The following SLX4IP variants were observed in gnomAD, a reference collection of about 807,000 sequenced individuals.
SLX4IP encodes protein SLX4IP.
A neutral mutation model predicts 32.9 loss-of-function variants in SLX4IP; 34 were observed. The ratio of observed to expected loss-of-function variants is 1.03; its 90% confidence interval spans 0.79 to 1.38. The LOEUF (loss-of-function observed/expected upper bound fraction) is 1.38, where lower values mean the gene tolerates loss of function less well. SLX4IP is among the 40% of genes most tolerant of loss of function. SLX4IP has a pLI of 0.00. For synonymous variants in SLX4IP, 172 were observed against 171.7 expected (o/e 1.00, Z -0.01); for missense variants, 444 against 479.0 (o/e 0.93, Z 0.68).
intron 2 of SLX4IP, among the ~76,000 whole-genome samples, chr20:10,495,007 G>A (rs1409513462): frequency 2.0e-5 from 3 of 152,128 alleles, no homozygotes; most frequent in Admixed American, 1.3e-4. Context: ...AAAAAGACAA[G>A]TGAGATGATA....
At chr20:10,439,173 T>C (rs981087915) in intron 1 of SLX4IP, among the ~76,000 whole-genome samples, 5 of 152,212 alleles carry the variant, frequency 3.3e-5, no homozygotes, top group Non-Finnish European at 5.9e-5. Flanking sequence ...ATTCTCACAT[T>C]GCTTTGTTCT....
chr20:10,599,440 G>C (rs1431758331), intron 5 of SLX4IP, among the ~76,000 whole-genome samples: 1 of 151,948 alleles, frequency 6.6e-6, no homozygotes, highest in African/African-American at 2.4e-5. Context: ...GCTGTTATTT[G>C]TTTGTTTTTG....
chr20:10,521,247 T>G (rs1011140142), intron 2 of SLX4IP, among the ~76,000 whole-genome samples: 1 of 152,288 alleles, frequency 6.6e-6, no homozygotes, highest in Middle Eastern at 3.4e-3. Flanking sequence ...CAGATCATCT[T>G]TCTCTTCTGT....
chr20:10,604,468 C>T (rs2066881695), intron 6 of SLX4IP, among the ~76,000 whole-genome samples: 1 of 152,158 alleles, frequency 6.6e-6, no homozygotes, highest in African/African-American at 2.4e-5. Flanking sequence ...ATTCAAAACT[C>T]CTCTGTCAAG....
At chr20:10,463,818 G>A (rs1409624243) in intron 2 of SLX4IP, among the ~76,000 whole-genome samples, 1 of 152,148 alleles carries the variant, frequency 6.6e-6, no homozygotes, top group Non-Finnish European at 1.5e-5. Context: ...GTCTTGCCCT[G>A]TTGCTCAGGC....
chr20:10,487,639 CTG>C (rs1417144561), intron 2 of SLX4IP, among the ~76,000 whole-genome samples: 2 of 152,148 alleles, frequency 1.3e-5, no homozygotes, highest in African/African-American at 4.8e-5. Flanking sequence ...CAGAAGGAGA[CTG>C]AGACCTGTTG....
intron 2 of SLX4IP, among the ~76,000 whole-genome samples, chr20:10,531,227 C>A (rs2065986641): frequency 6.6e-6 from 1 of 152,150 alleles, no homozygotes; most frequent in Non-Finnish European, 1.5e-5. Context: ...CTCCTACCTG[C>A]CGTGACTTGA....
chr20:10,595,833 C>T (rs757451271), intron 4 of SLX4IP, among the ~76,000 whole-genome samples: 9 of 152,136 alleles, frequency 5.9e-5, no homozygotes, highest in African/African-American at 1.4e-4. Flanking sequence ...TATGACCAGT[C>T]GAATTTGGAT....
intron 6 of SLX4IP, among the ~76,000 whole-genome samples, chr20:10,605,593 A>G (rs2066896914): frequency 6.6e-6 from 1 of 152,180 alleles, no homozygotes; most frequent in African/African-American, 2.4e-5. Context: ...AAAGTCTGTG[A>G]TCCTTTTGGA....
At chr20:10,481,542 C>G (rs897368619) in intron 2 of SLX4IP, among the ~76,000 whole-genome samples, 2 of 152,172 alleles carry the variant, frequency 1.3e-5, no homozygotes, top group South Asian at 2.1e-4. Context: ...AACTTTCTCA[C>G]TGTCAGTAAA....
At chr20:10,561,532 A>G (rs1336080378) in intron 4 of SLX4IP, among the ~76,000 whole-genome samples, 1 of 141,138 alleles carries the variant, frequency 7.1e-6, no homozygotes, top group South Asian at 2.2e-4. Flanking sequence ...CTATATATCT[A>G]TTTTTCTTTT....
At chr20:10,438,828 G>A (rs551176929) in intron 1 of SLX4IP, among the ~76,000 whole-genome samples, 57 of 151,654 alleles carry the variant, frequency 3.8e-4, no homozygotes, top group African/African-American at 9.2e-4. Flanking sequence ...TGGGGGGTAC[G>A]GGTTAGTCTG....
intron 4 of SLX4IP, among the ~76,000 whole-genome samples, chr20:10,567,559 C>T (rs868465599): frequency 3.3e-5 from 5 of 152,208 alleles, no homozygotes; most frequent in Non-Finnish European, 5.9e-5. Flanking sequence ...ACTGTGAGGA[C>T]GTAAATTTCT....
intron 2 of SLX4IP, among the ~76,000 whole-genome samples, chr20:10,512,778 C>CTATATATATATATATATATA (rs57942782): frequency 6.6e-4 from 17 of 25,602 alleles, no homozygotes; most frequent in African/African-American, 1.4e-3. Flanking sequence ...CACACACACT[C>CTATATATATATATATATATA]TATATATATA....
At chr20:10,617,652 C>CTTTTTTTTTTTTTTTTTTTTTTTTTCTT (rs549525000) in intron 6 of SLX4IP, among the ~76,000 whole-genome samples, 1 of 112,748 alleles carries the variant, frequency 8.9e-6, no homozygotes, top group Non-Finnish European at 1.8e-5. Context: ...TTCTTTCTTT[C>CTTTTTTTTTTTTTTTTTTTTTTTTTCTT]TTTTTTTTTT....
chr20:10,558,337 G>C (rs957248078), intron 3 of SLX4IP, among the ~76,000 whole-genome samples: 1 of 92,204 alleles, frequency 1.1e-5, no homozygotes, highest in Non-Finnish European at 2.2e-5. Flanking sequence ...GTGAGACCCT[G>C]TCTCAAAAAA....
At chr20:10,547,388 C>T (rs1046406756) in intron 2 of SLX4IP, among the ~76,000 whole-genome samples, 2 of 152,154 alleles carry the variant, frequency 1.3e-5, no homozygotes, top group Non-Finnish European at 2.9e-5. Context: ...GTCAGAGGTC[C>T]CACAACAGAC....
At chr20:10,505,810 T>C (rs2065754436) in intron 2 of SLX4IP, among the ~76,000 whole-genome samples, 1 of 149,856 alleles carries the variant, frequency 6.7e-6, no homozygotes, top group African/African-American at 2.5e-5. Context: ...ACATTAATTC[T>C]TTTTTTTTTC....
chr20:10,556,403 G>T, intron 3 of SLX4IP, 83 bp downstream of exon 3: 1 of 1,344,880 alleles, frequency 7.4e-7, no homozygotes, highest in South Asian at 1.3e-5. Context: ...TTTCATTTCT[G>T]TTAGTGGGAA....
Sources: allele counts gnomAD v4.1 joint callset (sites outside exome capture counted in the v4.1 genomes callset), GRCh38; gene constraint gnomAD v4.1.1; transcripts MANE v1.5; gene names NCBI Gene and HGNC (gene_info 2026-07-23, HGNC 2026-07-21).